The following BICD1 variants were observed in gnomAD, a reference collection of about 807,000 sequenced individuals.
BICD1 encodes the protein protein bicaudal D homolog 1.
Under a neutral mutation model 92.5 loss-of-function variants are expected in BICD1, and 35 were observed. The observed-to-expected ratio is 0.38, with a 90% confidence interval of 0.29 to 0.50. The LOEUF (loss-of-function observed/expected upper bound fraction) is 0.50, where lower values mean the gene tolerates loss of function less well. Among genes scored for constraint, BICD1 ranks in the 20% least tolerant of loss-of-function variants. BICD1 has a pLI of 0.93. For synonymous variants in BICD1, 429 were observed against 465.1 expected (o/e 0.92, Z 1.00); for missense variants, 950 against 1,189.8 (o/e 0.80, Z 2.97).
chr12:32,217,544 T>C (rs1364220837), intron 2 of BICD1, among the ~76,000 whole-genome samples: 2 of 152,356 alleles, frequency 1.3e-5, no homozygotes, highest in East Asian at 3.9e-4. Flanking sequence ...GGTTTACTTA[T>C]CTCGTTATCT....
At chr12:32,224,762 T>C (rs189091204) in intron 2 of BICD1, among the ~76,000 whole-genome samples, 7 of 152,168 alleles carry the variant, frequency 4.6e-5, no homozygotes, top group African/African-American at 1.4e-4. Context: ...AGTGCAGTGT[T>C]GCAATCTCGG....
In BICD1 at chr12:32,124,829, G is replaced by A. The variant is rs140139969; in HGVS notation, c.213+17285G>A. On this transcript the variant is annotated intron_variant, in intron 1 of 9. Coordinates refer to ENST00000652176, the MANE Select transcript of BICD1 (RefSeq NM_001714.4). ...AGGTAGATGGAATGGGGTGAGAGGG[G>A]AGGTGAGCCTGGAGAGATGGTTTGG... Among the ~76,000 whole-genome samples the A allele has an allele frequency of 1.2e-4, 18 of 152,242 alleles. 1 individual carries two copies. Among genetic ancestry groups the A allele is most frequent in the African/African-American group, 2.9e-4 (12 of 41,538 alleles).
chr12:32,156,252 C>G (rs1943434072), intron 1 of BICD1, among the ~76,000 whole-genome samples: 1 of 152,190 alleles, frequency 6.6e-6, no homozygotes, highest in Non-Finnish European at 1.5e-5. Context: ...AGGCACGCTA[C>G]AGTTCAGGCA....
In BICD1 at chr12:32,382,973, T is replaced by C. The variant is rs1940236968; in HGVS notation, c.*5346T>C. The C allele has an allele frequency of 6.6e-6, 1 of 152,034 alleles. No individual in the cohort carries two copies. The highest frequency in any genetic ancestry group is 1.5e-5 in the Non-Finnish European group (1 of 67,934). 9.4% of individuals were successfully genotyped at this position (152,034 alleles called of 1,614,324 possible). A position where few individuals can be genotyped will look rare whatever the true frequency, so the allele number is the denominator to read the frequency against. On this transcript the variant is annotated 3_prime_UTR_variant, in exon 10 of 10. Transcript: ENST00000652176. The stretch of plus-strand genomic sequence containing the variant: ...CCCACAAAATGTTAAAGCTCAATGG[T>C]TTGACTATGAGAGTCAAACAATTAC...
chr12:32,359,532 GAATCCATTA>G (rs552287436), intron 8 of BICD1, among the ~76,000 whole-genome samples: 7 of 151,616 alleles, frequency 4.6e-5, no homozygotes, highest in Admixed American at 4.6e-4. Context: ...ATTAACCCAT[GAATCCATTA>G]ATCCATGAAT....
intron 1 of BICD1, among the ~76,000 whole-genome samples, chr12:32,149,158 G>A (rs1263405520): frequency 2.0e-5 from 3 of 152,168 alleles, no homozygotes; most frequent in Non-Finnish European, 4.4e-5. Context: ...GCATGGGATA[G>A]GCCATTTCCA....
At chr12:32,172,135 C>CTT (rs949894490) in intron 1 of BICD1, among the ~76,000 whole-genome samples, 15 of 152,056 alleles carry the variant, frequency 9.9e-5, no homozygotes, top group Non-Finnish European at 1.3e-4. Flanking sequence ...TGCTGTCTGG[C>CTT]TTGTATCTAT....
chr12:32,354,477 G>A (rs561692910), intron 8 of BICD1, among the ~76,000 whole-genome samples: 11 of 152,260 alleles, frequency 7.2e-5, no homozygotes, highest in African/African-American at 1.7e-4. Flanking sequence ...AATTTTTAAC[G>A]AAGAATGATT....
At chr12:32,364,263 G>A (rs1939444695) in intron 8 of BICD1, among the ~76,000 whole-genome samples, 1 of 152,148 alleles carries the variant, frequency 6.6e-6, no homozygotes, top group Non-Finnish European at 1.5e-5. Context: ...CATGCACATA[G>A]TTGTCATCTT....
At chr12:32,320,410 G>A (rs1447645066) in intron 4 of BICD1, among the ~76,000 whole-genome samples, 1 of 152,182 alleles carries the variant, frequency 6.6e-6, no homozygotes, top group Non-Finnish European at 1.5e-5. Flanking sequence ...GGGAGGCCGA[G>A]GCGGGCAGAT....
rs1273934863 is a variant in BICD1, at chr12:32,107,164, G to A, written c.-168G>A. On this transcript the variant is annotated 5_prime_UTR_variant, in exon 1 of 10. The change abolishes the stop of an existing upstream ORF in the 5' untranslated region. Transcript: ENST00000652176. ...TCTCGTCAGTTTCTCGGGCGGTGTA[G>A]CTGCCGCTGCCACCAGAGCCGGCGG... The A allele has an allele frequency of 4.6e-6, 3 of 658,506 alleles. No homozygotes were observed. The highest frequency in any genetic ancestry group is 1.8e-5 in the African/African-American group (1 of 54,896). 40.8% of individuals were successfully genotyped at this position (658,506 alleles called of 1,614,324 possible).
intron 1 of BICD1, among the ~76,000 whole-genome samples, chr12:32,138,119 T>C (rs985479346): frequency 6.6e-6 from 1 of 152,192 alleles, no homozygotes; most frequent in Non-Finnish European, 1.5e-5. Flanking sequence ...AGTTTAAAAA[T>C]AGCTCGCTTG....
chr12:32,264,805 G>C (rs1734032840), intron 2 of BICD1, among the ~76,000 whole-genome samples: 1 of 152,102 alleles, frequency 6.6e-6, no homozygotes, highest in Non-Finnish European at 1.5e-5. Flanking sequence ...GAATTTTTAA[G>C]ATGTCAGAGC....
intron 1 of BICD1, among the ~76,000 whole-genome samples, chr12:32,165,192 T>C (rs1469979161): frequency 6.6e-6 from 1 of 152,122 alleles, no homozygotes; most frequent in Non-Finnish European, 1.5e-5. Flanking sequence ...GAAAAGAGAT[T>C]CCAGGATTTA....
chr12:32,115,141 GC>G (rs1192369447), intron 1 of BICD1, among the ~76,000 whole-genome samples: 1 of 152,140 alleles, frequency 6.6e-6, no homozygotes, highest in African/African-American at 2.4e-5. Context: ...ACAGGCATGA[GC>G]CATTGCACCC....
In BICD1 at chr12:32,362,120, G is replaced by A. The variant is rs182424695; in HGVS notation, c.2765-5550G>A. 1.8e-3 allele frequency among the ~76,000 whole-genome samples: 276 copies of A among 152,338 alleles called. 2 individuals carry two copies. The highest frequency in any genetic ancestry group is 0.01 in the Middle Eastern group (3 of 294). ...CACGCCTATAATCCCAGCACTTTGG[G>A]AGGCCGAGGCAGGCAGATCACCTGA... On this transcript the variant is annotated intron_variant, in intron 8 of 9. Transcript: ENST00000652176.
chr12:32,240,176 A>T (rs79642589), intron 2 of BICD1, among the ~76,000 whole-genome samples: 19,146 of 152,146 alleles, frequency 0.13, 1,995 homozygotes, highest in African/African-American at 0.28. Flanking sequence ...CCTAAGCATT[A>T]TTTGATTCCC....
At chr12:32,121,812 A>AATTTTT (rs1565529752) in intron 1 of BICD1, among the ~76,000 whole-genome samples, 1 of 140,244 alleles carries the variant, frequency 7.1e-6, no homozygotes, top group Non-Finnish European at 1.5e-5. Flanking sequence ...AGTTTGTCAA[A>AATTTTT]TTTTTTTTTT....
chr12:32,143,651 G>A (rs555387805), intron 1 of BICD1, among the ~76,000 whole-genome samples: 70 of 152,224 alleles, frequency 4.6e-4, no homozygotes, highest in Non-Finnish European at 7.1e-4. Context: ...ATATAGCCTG[G>A]TGAACATGTT....
Sources: allele counts gnomAD v4.1 joint callset (sites outside exome capture counted in the v4.1 genomes callset), GRCh38; gene constraint gnomAD v4.1.1; transcripts MANE v1.5; gene names NCBI Gene and HGNC (gene_info 2026-07-23, HGNC 2026-07-21).